The following MAP4 variants were observed in gnomAD, a reference collection of about 807,000 sequenced individuals.
MAP4 encodes the protein microtubule associated protein 4, also known as microtubule-associated protein 4.
A neutral mutation model predicts 170.2 loss-of-function variants in MAP4; 76 were observed. The observed-to-expected ratio is 0.45, with a 90% confidence interval of 0.37 to 0.54. The LOEUF is 0.54. MAP4 is among the 20% of genes least tolerant of loss of function. The pLI is 0.00. For missense variants in MAP4, 2,506 were observed against 2,748.0 expected, an observed-to-expected ratio of 0.91 and a Z score of 1.97; for synonymous variants, 909 against 994.5, an observed-to-expected ratio of 0.91 and a Z score of 1.62.
intron 1 of MAP4, among the ~76,000 whole-genome samples, chr3:48,042,442 T>A (rs2100122119): frequency 6.6e-6 from 1 of 152,034 alleles, no homozygotes. Flanking sequence ...AACTTAATAA[T>A]AAAAAGGCAA....
chr3:47,949,074 C>T (rs550991658), intron 3 of MAP4, among the ~76,000 whole-genome samples: 49 of 152,274 alleles, frequency 3.2e-4, no homozygotes, highest in East Asian at 2.9e-3. Flanking sequence ...AACAATTTAA[C>T]GCTATCTTGA....
chr3:48,016,389 C>T lies in MAP4; in HGVS notation c.-75G>A, dbSNP rs1487781367. On this transcript the variant is annotated 5_prime_UTR_variant, in exon 1 of 21. Transcript: ENST00000683076. ...CTGACTAAATGCATTTTGGATCAGG[C>T]ACCTGCCTTCAACATTTCTGTCCAA... 1 of 152,204 alleles carries T rather than the reference C, an allele frequency of 6.6e-6. No homozygotes were observed. The highest frequency in any genetic ancestry group is 1.5e-5 in the Non-Finnish European group (1 of 68,046). The allele number at this position is 152,204 out of a possible 1,614,324, so 9.4% of individuals were successfully genotyped here.
rs2082122687 is a variant in MAP4, at chr3:47,867,257, C to T, written c.6490G>A (p.Gly2164Arg). The change falls in exon 17 of 21, where the codon GGA becomes AGA. Residue 2164 changes from glycine (G) to arginine (R), a missense_variant. By Grantham distance (125) the Gly-to-Arg change is moderately radical. This residue lies in a region of MAP4 where 487 missense variants were observed against 511.6 expected (regional missense o/e 0.95). Transcript: ENST00000683076. ...GAGCTTATACTTACATTACCACCTC[C>T]AGGGACATGCTTAATATTGTCCTTG... ...GSKDNIKHVP[G>R]GGNVQIQNKK... 6.2e-7 allele frequency: 1 copy of T among 1,611,548 alleles called. No individual in the cohort carries two copies. The highest frequency in any genetic ancestry group is 1.3e-5 in the African/African-American group (1 of 74,870).
intron 10 of MAP4, among the ~76,000 whole-genome samples, chr3:47,899,393 G>A (rs2153265001): frequency 6.6e-6 from 1 of 152,292 alleles, no homozygotes; most frequent in Middle Eastern, 3.4e-3. Flanking sequence ...TCCTGCCTCA[G>A]CCTCCCAAAG....
intron 1 of MAP4, among the ~76,000 whole-genome samples, chr3:48,005,994 C>CT (rs2154405782): frequency 6.6e-6 from 1 of 152,332 alleles, no homozygotes; most frequent in East Asian, 1.9e-4. Flanking sequence ...TCAGAATAGT[C>CT]TGACTCATGT....
chr3:47,870,854 C>T lies in MAP4; in HGVS notation c.6253G>A (p.Gly2085Ser), dbSNP rs1431745942. ...TGATGCTTGATGTTTTCCGTGGAGC[C>T]AACCTTGGAGCGGACATTCTTCAGA... ...PDLKNVRSKV[G>S]STENIKHQPG... is the part of the protein sequence containing the mutation. Residue 2085 changes from glycine (G) to serine (S), a missense_variant, in exon 15 of 21, where the codon GGC (glycine) becomes AGC (serine). Around this residue, in one of 3 missense-constraint regions of MAP4, gnomAD observed 487 missense variants for 511.6 expected, o/e 0.95. Transcript: ENST00000683076. 6.3e-7 allele frequency: 1 copy of T among 1,596,636 alleles called. No homozygotes were observed. Among genetic ancestry groups the T allele is most frequent in the Non-Finnish European group, 8.6e-7 (1 of 1,169,458 alleles).
chr3:48,078,044 C>T (rs1037478875), intron 1 of MAP4, among the ~76,000 whole-genome samples: 1 of 152,130 alleles, frequency 6.6e-6, no homozygotes, highest in African/African-American at 2.4e-5. Flanking sequence ...AGACTGCTAA[C>T]GGGTATGAGG....
rs1320395148 is a variant in MAP4, at chr3:47,852,816, G to A, written c.*118C>T. On this transcript the variant is annotated 3_prime_UTR_variant, in exon 21 of 21. Coordinates refer to ENST00000683076, the MANE Select transcript of MAP4 (RefSeq NM_001385682.1). ...TCTAGTGGACAGCCCGGGAAAGGGG[G>A]CCAAGGACCCGGGAGCCCGAGTTGG... 1 of 1,550,440 alleles carries A rather than the reference G, an allele frequency of 6.4e-7. No individual in the cohort carries two copies. The highest frequency in any genetic ancestry group is 8.7e-7 in the Non-Finnish European group (1 of 1,147,236).
At chr3:47,928,772 C>G (rs2100047619) in intron 3 of MAP4, among the ~76,000 whole-genome samples, 1 of 150,094 alleles carries the variant, frequency 6.7e-6, no homozygotes. Context: ...GATTTCTCCA[C>G]ATGAAAGAAC....
At position 48,065,062 on chromosome 3, in the gene MAP4, C is replaced by T. The variant is rs1275872780; in HGVS notation, c.-20+23711G>A. ...GGAGGACTGCTTGAACCCAGAAGTT[C>T]CAGGCTGCAGTGAGTTATGATCGTG... On this transcript the variant is annotated intron_variant, in intron 1 of 18. Transcript: ENST00000360240. Among the ~76,000 whole-genome samples the T allele has an allele frequency of 4.6e-5, 7 of 152,208 alleles. 1 individual carries two copies. In the South Asian group the frequency reaches 1.5e-3, roughly 32 times the overall value.
intron 1 of MAP4, among the ~76,000 whole-genome samples, chr3:48,083,567 A>G (rs2100147649): frequency 6.6e-6 from 1 of 151,192 alleles, no homozygotes. Context: ...GGTTTTTACC[A>G]TGTTGGCCAG....
Position 47,853,157 on chromosome 3 carries a change from A to G in MAP4, c.6886+6T>C. ...GCTGGCCCTTAGGCCGAGCCCAGCC[A>G]CTTACTTGTCTCCTGGATCTGGCTG... On this transcript the variant is annotated splice_donor_region_variant and intron_variant, in intron 20 of 20. Transcript: ENST00000683076. 1 of 1,599,880 alleles carries G rather than the reference A, an allele frequency of 6.3e-7. No individual in the cohort carries two copies. The highest frequency in any genetic ancestry group is 8.5e-7 in the Non-Finnish European group (1 of 1,172,224).
At chr3:47,863,452 T>G (rs2072064614) in intron 17 of MAP4, among the ~76,000 whole-genome samples, 2 of 152,010 alleles carry the variant, frequency 1.3e-5, no homozygotes, top group Non-Finnish European at 2.9e-5. Context: ...GGGAACCATG[T>G]GCGGCGCCTC....
intron 1 of MAP4, among the ~76,000 whole-genome samples, chr3:48,078,654 T>TCC (rs1431241554): frequency 6.6e-6 from 1 of 152,058 alleles, no homozygotes; most frequent in African/African-American, 2.4e-5. Context: ...ATCTGCCTTA[T>TCC]CCCCCACTTT....
chr3:47,955,999 C>T lies in MAP4; in HGVS notation c.292+21866G>A, dbSNP rs529419436. ...GCCCTCTTTTGCAGAAAATTATTCA[C>T]CTTTCAAAAAATAGTTTCAGGCTTG... On this transcript the variant is annotated intron_variant, in intron 3 of 20. Transcript: ENST00000683076. 6.7e-4 allele frequency among the ~76,000 whole-genome samples: 102 copies of T among 152,174 alleles called. 1 individual carries two copies. The highest frequency in any genetic ancestry group is 2.4e-3 in the African/African-American group (98 of 41,536).
At chr3:47,959,631 A>C (rs1423708971) in intron 3 of MAP4, among the ~76,000 whole-genome samples, 1 of 150,584 alleles carries the variant, frequency 6.6e-6, no homozygotes, top group African/African-American at 2.4e-5. Context: ...TGGTGGCGGG[A>C]GCCTGTAGTC....
chr3:48,064,553 T>C (rs2100137456), intron 1 of MAP4, among the ~76,000 whole-genome samples: 2 of 152,158 alleles, frequency 1.3e-5, no homozygotes, highest in South Asian at 4.1e-4. Context: ...TGAATTACTC[T>C]TTCTCTACTG....
chr3:48,063,398 G>A lies in MAP4; in HGVS notation c.-20+25375C>T, dbSNP rs2100136902. ...TAGCCTGAACAACATAGCGAGACCT[G>A]TGTCTTAAAAAAAAAAAAAAAAAGT... On this transcript the variant is annotated intron_variant, in intron 1 of 18. Transcript: ENST00000360240. Among the ~76,000 whole-genome samples the A allele has an allele frequency of 2.0e-5, 3 of 147,134 alleles. No individual in the cohort carries two copies. In the South Asian group the frequency reaches 6.4e-4, roughly 31 times the overall value.
At chr3:47,939,047 C>G (rs570726023) in intron 3 of MAP4, among the ~76,000 whole-genome samples, 102 of 152,344 alleles carry the variant, frequency 6.7e-4, no homozygotes, top group Non-Finnish European at 1.3e-3. Flanking sequence ...ATGGCTCCTG[C>G]TAGAGCCTGT....
Sources: gnomAD v4.1 joint callset for allele counts (sites outside exome capture counted in the v4.1 genomes callset) on GRCh38, gnomAD v4.1.1 for gene constraint, gnomAD v4.1.1 regional missense constraint, MANE v1.5 for transcripts, NCBI Gene and HGNC (gene_info 2026-07-23, HGNC 2026-07-21) for gene names.